ANHX: variants seen among roughly 807,000 people sequenced by gnomAD.
ANHX encodes the protein anomalous homeobox, also known as anomalous homeobox protein.
Under a neutral mutation model 38.9 loss-of-function variants are expected in ANHX, and 20 were observed. That is an observed-to-expected ratio of 0.51 (90% confidence interval 0.36 to 0.75). ANHX has a LOEUF of 0.75. Ranked by LOEUF, ANHX falls within the 30% of genes least tolerant of loss-of-function variation. ANHX has a pLI of 0.00. For missense variants in ANHX, 475 were observed against 493.1 expected, an observed-to-expected ratio of 0.96 and a Z score of 0.35; for synonymous variants, 185 against 203.1, an observed-to-expected ratio of 0.91 and a Z score of 0.76.
intron 3 of ANHX, 37 bp downstream of exon 3, chr12:133,231,480 C>T (rs1442198814): frequency 7.8e-6 from 12 of 1,535,532 alleles, no homozygotes; most frequent in Admixed American, 2.0e-5. Context: ...CCTTGGGATC[C>T]CCATGAAATA....
At chr12:133,232,221 G>A (rs529803859) in intron 2 of ANHX, among the ~76,000 whole-genome samples, 1 of 47,190 alleles carries the variant, frequency 2.1e-5, no homozygotes, top group Admixed American at 3.0e-4. Context: ...TCTGTGGCCA[G>A]TACACCCATC....
Position 133,224,077 on chromosome 12 carries a change from A to C in ANHX, c.1132+1459T>G, listed in dbSNP as rs374043312. 9.2e-5 allele frequency among the ~76,000 whole-genome samples: 14 copies of C among 152,284 alleles called. No homozygotes were observed. In the East Asian group the frequency reaches 2.1e-3, roughly 23 times the overall value. On this transcript the variant is annotated intron_variant, in intron 7 of 9. Transcript: ENST00000545940. The stretch of plus-strand genomic sequence containing the variant: ...AACAAAACAAGGGAGTCAAATAAAG[A>C]AAGAACCAGACCTGAAATTCAGGAC...
Position 133,233,715 on chromosome 12 carries a change from GT to G in ANHX, c.249+392del, listed in dbSNP as rs1333412995. ...AGCAGGTGAGTGAGAGATACTTTTG[GT>G]TTTCAGAGTTCTCCATTGCAGACTT... On this transcript the variant is annotated intron_variant, in intron 2 of 9. Coordinates refer to ENST00000545940, the MANE Select transcript of ANHX (RefSeq NM_001372060.1). Among the ~76,000 whole-genome samples the G allele has an allele frequency of 3.9e-5, 6 of 152,154 alleles. No homozygotes were observed. The East Asian group carries it at 1.2e-3, about 29-fold the overall frequency.
rs897008953 is a variant in ANHX at position 133,221,284 on chromosome 12, C to T, written c.1201G>A (p.Gly401Arg). 8 of 1,536,046 alleles carry T rather than the reference C, an allele frequency of 5.2e-6. No individual in the cohort carries two copies. Among genetic ancestry groups the T allele is most frequent in the Non-Finnish European group, 6.1e-6 (7 of 1,146,888 alleles). The stretch of plus-strand genomic sequence containing the variant: ...CTGCCCACCCGTAGCTCTGTCCGTC[C>T]ACTGCTTGTGCCCAGACCCTCCTCC... Reference protein sequence around the residue: ...QLEEGLGTSSGRTELRVGSFL... With the variant: ...QLEEGLGTSSRRTELRVGSFL... The change falls in exon 8 of 10, where the codon GGA (glycine) becomes AGA (arginine). Residue 401 changes from glycine to arginine, a missense_variant. Coordinates refer to ENST00000545940, the MANE Select transcript of ANHX (RefSeq NM_001372060.1). This position sits in a 1 kb window ranked among gnomAD's most constrained non-coding sequence, Gnocchi z 4.1.
intron 7 of ANHX, among the ~76,000 whole-genome samples, chr12:133,224,713 C>T (rs895324646): frequency 6.8e-6 from 1 of 147,174 alleles, no homozygotes; most frequent in African/African-American, 2.5e-5. Flanking sequence ...CGCCTGTAAT[C>T]CCAGCACTTT....
At chr12:133,235,774 C>A (rs1490020806) in intron 1 of ANHX, 33 bp downstream of exon 1, 1 of 136,114 alleles carries the variant, frequency 7.3e-6, no homozygotes, top group Non-Finnish European at 1.6e-5. Flanking sequence ...CGTCCCTCAT[C>A]CTCCCGGACC....
chr12:133,220,244 A>G (rs1274555316), intron 8 of ANHX, among the ~76,000 whole-genome samples: 10 of 152,140 alleles, frequency 6.6e-5, no homozygotes, highest in Non-Finnish European at 1.5e-4. Context: ...TAACGAAGGA[A>G]CTGATGTTTT....
rs546408615 is a variant in ANHX at position 133,223,714 on chromosome 12, G to A, written c.1132+1822C>T. Among the ~76,000 whole-genome samples, 10 of 152,114 alleles carry A rather than the reference G, an allele frequency of 6.6e-5. 1 individual carries two copies. In the South Asian group the frequency reaches 2.1e-3, roughly 32 times the overall value. On this transcript the variant is annotated intron_variant, in intron 7 of 9. Coordinates refer to ENST00000545940, the MANE Select transcript of ANHX (RefSeq NM_001372060.1). Reference sequence around the variant, plus strand: ...GCCTGCCTCAGCCGCCCAAAGTGCTGGGATTACAGGCGTGAGTCACTGCAC... The same window carrying A: ...GCCTGCCTCAGCCGCCCAAAGTGCTAGGATTACAGGCGTGAGTCACTGCAC...
At position 133,218,931 on chromosome 12, in the gene ANHX, C is replaced by G. The variant is rs540294011; in HGVS notation, c.1406G>C (p.Trp469Ser). 1.1e-4 allele frequency: 170 copies of G among 1,534,576 alleles called. No individual in the cohort carries two copies. In the South Asian group the frequency reaches 2.0e-3, roughly 18 times the overall value. ...AAACTCAAGGAGCATCCTGGCTCCC[C>G]AGAAGGCATCACCAGAGGCCTGGCT... ...SDSQASGDAF[W>S]GARMLLEFSG... is the part of the protein sequence containing the mutation. Residue 469 changes from tryptophan (W) to serine (S), a missense_variant, in exon 10 of 10, where the codon TGG (tryptophan) becomes TCG (serine). Trp to Ser is a radical substitution (Grantham distance 177). Transcript: ENST00000545940.
chr12:133,233,304 G>A (rs1356467658), intron 2 of ANHX, among the ~76,000 whole-genome samples: 1 of 152,200 alleles, frequency 6.6e-6, no homozygotes, highest in Non-Finnish European at 1.5e-5. Context: ...GTGAACAGGT[G>A]GAGGGGACAG....
chr12:133,234,517 C>T (rs1390169524), intron 1 of ANHX, 139 bp from the exon 2 acceptor site: 4 of 962,306 alleles, frequency 4.2e-6, no homozygotes, highest in African/African-American at 1.6e-5. Context: ...TAAGACCTCA[C>T]ACATCCCGAG....
chr12:133,229,187 A>T (rs1957232997), intron 3 of ANHX, among the ~76,000 whole-genome samples: 1 of 152,174 alleles, frequency 6.6e-6, no homozygotes, highest in Non-Finnish European at 1.5e-5. Flanking sequence ...TCAGTCACAG[A>T]GATGACAAAG....
At position 133,218,601 on chromosome 12, in the gene ANHX, C is replaced by T; in HGVS notation, c.*284G>A. ...TAGAATGGCCTTCTCTGCACGAGTG[C>T]CCCGGAGCCCGACTGATCCAGTGCT... On this transcript the variant is annotated 3_prime_UTR_variant, in exon 10 of 10. Transcript: ENST00000545940. 3.8e-6 allele frequency: 1 copy of T among 265,960 alleles called. No individual in the cohort carries two copies. Among genetic ancestry groups the T allele is most frequent in the Non-Finnish European group, 7.1e-6 (1 of 141,356 alleles). 16.5% of individuals were successfully genotyped at this position (265,960 alleles called of 1,614,324 possible). A position where few individuals can be genotyped will look rare whatever the true frequency, so the allele number is the denominator to read the frequency against.
chr12:133,234,384 AAC>A lies in ANHX; in HGVS notation c.-22-8_-22-7del, dbSNP rs1390467275. On this transcript the variant is annotated splice_region_variant and splice_polypyrimidine_tract_variant and intron_variant, in intron 1 of 9. Coordinates refer to ENST00000545940, the MANE Select transcript of ANHX (RefSeq NM_001372060.1). ...TGTGCTGGGTCGTGGCCACTCTGCCAACACAAACAGTCACAAGAATGGCCACC... is the reference window on the plus strand; with the variant it reads ...TGTGCTGGGTCGTGGCCACTCTGCCAACAAACAGTCACAAGAATGGCCACC... 6.6e-7 allele frequency: 1 copy of A among 1,522,074 alleles called. No individual in the cohort carries two copies. The highest frequency in any genetic ancestry group is 1.4e-5 in the African/African-American group (1 of 72,828). 94.3% of individuals were successfully genotyped at this position (1,522,074 alleles called of 1,614,324 possible).
At chr12:133,235,357 AC>A (rs1957354325) in intron 1 of ANHX, 1 of 152,076 alleles carries the variant, frequency 6.6e-6, no homozygotes, top group South Asian at 2.1e-4. Flanking sequence ...CCTGTGGGGT[AC>A]CTTGGCCTGT....
Position 133,227,943 on chromosome 12 carries a change from G to T in ANHX, c.382C>A (p.Pro128Thr). The T allele has an allele frequency of 1.3e-6, 2 of 1,527,256 alleles. No homozygotes were observed. The highest frequency in any genetic ancestry group is 1.8e-6 in the Non-Finnish European group (2 of 1,142,124). The allele number at this position is 1,527,256 out of a possible 1,614,324, so 94.6% of individuals were successfully genotyped here. The change falls in exon 4 of 10, where the codon CCC becomes ACC. Residue 128 changes from proline (P) to threonine (T), a missense_variant. By Grantham distance (38) the Pro-to-Thr change is conservative. Transcript: ENST00000545940. The part of the protein sequence containing the change: ...VQKFRCRKRN[P>T]PPPSLCPEGL... ...TCTGGGCAGAGGGAGGGGGGCGGGG[G>T]GTTCCTGGGTAAGGACAGTGAGGAG...
chr12:133,230,716 G>A (rs181606825), intron 3 of ANHX, among the ~76,000 whole-genome samples: 175 of 152,144 alleles, frequency 1.2e-3, no homozygotes, highest in African/African-American at 3.8e-3. Flanking sequence ...AGTTGTGACC[G>A]CCCCACTGCA....
chr12:133,220,126 G>C (rs577690605), intron 8 of ANHX, among the ~76,000 whole-genome samples: 27 of 152,306 alleles, frequency 1.8e-4, no homozygotes, highest in African/African-American at 6.3e-4. Context: ...GTACATTGAA[G>C]ACCTTCATCA....
At position 133,221,722 on chromosome 12, in the gene ANHX, C is replaced by T. The variant is rs935883339; in HGVS notation, c.1133-370G>A. 3.2e-4 allele frequency among the ~76,000 whole-genome samples: 49 copies of T among 152,308 alleles called. No individual in the cohort carries two copies. Among genetic ancestry groups the T allele is most frequent in the African/African-American group, 9.6e-4 (40 of 41,572 alleles). Reference sequence around the variant, plus strand: ...TCAGTCTCCTCTTGTGGCTGGTTCACGGAGTGCTTGGCCACCAGCCCTTGG... The same window carrying T: ...TCAGTCTCCTCTTGTGGCTGGTTCATGGAGTGCTTGGCCACCAGCCCTTGG... On this transcript the variant is annotated intron_variant, in intron 7 of 9. Coordinates refer to ENST00000545940, the MANE Select transcript of ANHX (RefSeq NM_001372060.1). This position sits in a 1 kb window ranked among gnomAD's most constrained non-coding sequence, Gnocchi z 4.1.
Sources: allele counts gnomAD v4.1 joint callset (sites outside exome capture counted in the v4.1 genomes callset), GRCh38; gene constraint gnomAD v4.1.1; non-coding constraint Gnocchi (gnomAD v3.1); transcripts MANE v1.5; gene names NCBI Gene and HGNC (gene_info 2026-07-23, HGNC 2026-07-21).